STARD9: variants seen among roughly 807,000 people sequenced by gnomAD.
STARD9 encodes stAR-related lipid transfer protein 9.
A neutral mutation model predicts 399.8 loss-of-function variants in STARD9; 346 were observed. The observed-to-expected ratio is 0.87, with a 90% CI of 0.79 to 0.95. The LOEUF (loss-of-function observed/expected upper bound fraction) is 0.95, where lower values mean the gene tolerates loss of function less well. STARD9 is among the 40% of genes least tolerant of loss of function. The pLI is 0.00. For synonymous variants in STARD9, 2,203 were observed against 2,143.5 expected, an observed-to-expected ratio of 1.03 and a Z score of -0.77; for missense variants, 5,832 against 5,667.5, an observed-to-expected ratio of 1.03 and a Z score of -0.93.
intron 9 of STARD9, among the ~76,000 whole-genome samples, chr15:42,659,987 G>T (rs2140083536): frequency 6.6e-6 from 1 of 152,252 alleles, no homozygotes; most frequent in South Asian, 2.1e-4. Context: ...AAAGGCAAAT[G>T]GATAACTGTG....
rs547379487 is a variant in STARD9 at position 42,714,846 on chromosome 15, C to T, written c.13285-1831C>T. Among the ~76,000 whole-genome samples, 27 of 150,820 alleles carry T rather than the reference C, an allele frequency of 1.8e-4. No individual in the cohort carries two copies. In the South Asian group the frequency reaches 5.6e-3, roughly 31 times the overall value. On this transcript the variant is annotated intron_variant, in intron 26 of 32. Coordinates refer to ENST00000290607, the MANE Select transcript of STARD9 (RefSeq NM_020759.3). ...ATGTCTGTGAAATGGGTCTCTGATG[C>T]AATCTTTTTTTTTTTCAGATGGCTG...
intron 25 of STARD9, 121 bp downstream of exon 25, chr15:42,695,444 C>T (rs2060822243): frequency 2.0e-6 from 2 of 990,240 alleles, no homozygotes; most frequent in Non-Finnish European, 2.9e-6. Flanking sequence ...CTGTGGGACC[C>T]CTGTTGTCAA....
intron 3 of STARD9, among the ~76,000 whole-genome samples, chr15:42,586,662 T>C (rs2058283054): frequency 6.6e-6 from 1 of 152,172 alleles, no homozygotes; most frequent in South Asian, 2.1e-4. Context: ...CCTTTCATGG[T>C]TCATTATCAT....
At position 42,693,235 on chromosome 15, in the gene STARD9, T is replaced by C; in HGVS notation, c.11657T>C (p.Leu3886Pro). The C allele has an allele frequency of 1.4e-5, 22 of 1,537,026 alleles. No homozygotes were observed. Among genetic ancestry groups the C allele is most frequent in the Non-Finnish European group, 1.7e-5 (20 of 1,146,860 alleles). Residue 3886 changes from leucine to proline, a missense_variant, in exon 23 of 33, where the codon CTG (leucine) becomes CCG (proline). Coordinates refer to ENST00000290607, the MANE Select transcript of STARD9 (RefSeq NM_020759.3). The part of the protein sequence containing the change: ...YPGDSRVQKK[L>P]GPTSALFVDR... ...GGGGACTCCAGGGTCCAGAAGAAGCTGGGCCCCACAAGTGCTTTGTTCGTG... is the reference window on the plus strand; with the variant it reads ...GGGGACTCCAGGGTCCAGAAGAAGCCGGGCCCCACAAGTGCTTTGTTCGTG...
At position 42,686,209 on chromosome 15, in the gene STARD9, T is replaced by A. The variant is rs1220420526; in HGVS notation, c.4631T>A (p.Leu1544His). Reference protein sequence around the residue: ...VGPRVSSNLNLNNFPVHLSRI... With the variant: ...VGPRVSSNLNHNNFPVHLSRI... ...CCTAGGGTATCTAGCAATCTGAATC[T>A]CAACAACTTTCCAGTCCATCTGTCC... is the stretch of plus-strand genomic sequence containing the variant. The change falls in exon 23 of 33, where the codon CTC becomes CAC. Residue 1544 changes from leucine (L) to histidine (H), a missense_variant. Leu to His is a moderately conservative substitution (Grantham distance 99). Around this residue, in one of 2 missense-constraint regions of STARD9, gnomAD observed 5,828 missense variants for 5,651.1 expected, o/e 1.03. Coordinates refer to ENST00000290607, the MANE Select transcript of STARD9 (RefSeq NM_020759.3). The A allele has an allele frequency of 6.5e-7, 1 of 1,537,592 alleles. No homozygotes were observed. The highest frequency in any genetic ancestry group is 8.7e-7 in the Non-Finnish European group (1 of 1,147,008).
In STARD9 at chr15:42,688,396, G is replaced by T. The variant is rs1399107751; in HGVS notation, c.6818G>T (p.Gly2273Val). The T allele has an allele frequency of 1.3e-6, 2 of 1,537,568 alleles. No individual in the cohort carries two copies. Among genetic ancestry groups the T allele is most frequent in the Admixed American group, 3.9e-5 (2 of 51,004 alleles). ...SSNQEEPKAQ[G>V]KVEEMPMQRG... is the part of the protein sequence containing the mutation. ...AACCAAGAAGAGCCAAAAGCTCAAGGTAAAGTTGAAGAAATGCCTATGCAA... is the reference window on the plus strand; with the variant it reads ...AACCAAGAAGAGCCAAAAGCTCAAGTTAAAGTTGAAGAAATGCCTATGCAA... The change falls in exon 23 of 33, where the codon GGT becomes GTT. Residue 2273 changes from glycine to valine, a missense_variant. Coordinates refer to ENST00000290607, the MANE Select transcript of STARD9 (RefSeq NM_020759.3).
At position 42,691,953 on chromosome 15, in the gene STARD9, C is replaced by T. The variant is rs1261059664; in HGVS notation, c.10375C>T (p.Leu3459=). ...NWCSQMDKGM[L]HFGSSDISPY... ...GTGCTCTCAGATGGACAAAGGAATG[C>T]TGCACTTTGGCTCCAGTGACATCAG... Residue 3459 remains leucine, a synonymous_variant, in exon 23 of 33, where the codon CTG becomes TTG. Transcript: ENST00000290607. 3.3e-6 allele frequency: 5 copies of T among 1,537,270 alleles called. No homozygotes were observed. Among genetic ancestry groups the T allele is most frequent in the Non-Finnish European group, 4.4e-6 (5 of 1,146,896 alleles).
In STARD9 at chr15:42,690,245, G is replaced by A. The variant is rs1359791980; in HGVS notation, c.8667G>A (p.Arg2889=). The A allele has an allele frequency of 3.9e-6, 6 of 1,537,362 alleles. No homozygotes were observed. In the Admixed American group the frequency reaches 9.8e-5, roughly 25 times the overall value. ...SVGSGLTEVC[R]AGSKHSRPIP... ...GGTCTGGGTTGACAGAAGTCTGCAG[G>A]GCTGGCAGCAAACATTCCAGGCCAA... The change falls in exon 23 of 33, where the codon AGG becomes AGA. Residue 2889 remains arginine, a synonymous_variant. Coordinates refer to ENST00000290607, the MANE Select transcript of STARD9 (RefSeq NM_020759.3).
chr15:42,690,897 A>G lies in STARD9; in HGVS notation c.9319A>G (p.Met3107Val). ...TGAGGCTGCCTCTTTCCCTGCAGGC[A>G]TGTACTCTGAGCCCCTGAGGCAGTT... Reference protein sequence around the residue: ...ELEAASFPAGMYSEPLRQFRD... With the variant: ...ELEAASFPAGVYSEPLRQFRD... Residue 3107 changes from methionine (M) to valine (V), a missense_variant, in exon 23 of 33, where the codon ATG (methionine) becomes GTG (valine). Around this residue, in one of 2 missense-constraint regions of STARD9, gnomAD observed 5,828 missense variants for 5,651.1 expected, o/e 1.03. Transcript: ENST00000290607. 1.3e-6 allele frequency: 2 copies of G among 1,537,184 alleles called. No homozygotes were observed. The highest frequency in any genetic ancestry group is 1.7e-6 in the Non-Finnish European group (2 of 1,146,908).
Position 42,638,744 on chromosome 15 carries a change from A to T in STARD9, c.491A>T (p.Gln164Leu). Residue 164 changes from glutamine to leucine, a missense_variant, in exon 7 of 33, where the codon CAA (glutamine) becomes CTA (leucine). By Grantham distance (113) the Gln-to-Leu change is moderately radical. Transcript: ENST00000290607. ...YNERVRDLLK[Q>L]SGQKKSYTLR... ...GAACGGGTGCGGGATCTGTTGAAGC[A>T]ATCTGGTCAAAAAAAGTCCTATACC... is the stretch of plus-strand genomic sequence containing the variant. 1 of 1,536,710 alleles carries T rather than the reference A, an allele frequency of 6.5e-7. No homozygotes were observed. The highest frequency in any genetic ancestry group is 8.7e-7 in the Non-Finnish European group (1 of 1,146,542).
chr15:42,595,187 A>G (rs2058478607), intron 3 of STARD9, among the ~76,000 whole-genome samples: 1 of 152,142 alleles, frequency 6.6e-6, no homozygotes, highest in Admixed American at 6.5e-5. Flanking sequence ...GGGAAACATG[A>G]GGAACAAACT....
At chr15:42,662,402 A>G (rs2060008871) in intron 10 of STARD9, among the ~76,000 whole-genome samples, 1 of 152,198 alleles carries the variant, frequency 6.6e-6, no homozygotes, top group South Asian at 2.1e-4. Flanking sequence ...CCATTTACTT[A>G]AAAAAGAAAT....
intron 15 of STARD9, among the ~76,000 whole-genome samples, chr15:42,667,721 C>T (rs897084311): frequency 9.9e-5 from 15 of 152,046 alleles, no homozygotes; most frequent in Non-Finnish European, 1.9e-4. Flanking sequence ...TCAGGTGATC[C>T]GCTTACCTCA....
rs1226625507 is a variant in STARD9 at position 42,690,732 on chromosome 15, T to C, written c.9154T>C (p.Ser3052Pro). 1 of 1,537,114 alleles carries C rather than the reference T, an allele frequency of 6.5e-7. No homozygotes were observed. The highest frequency in any genetic ancestry group is 8.7e-7 in the Non-Finnish European group (1 of 1,146,914). The change falls in exon 23 of 33, where the codon TCT becomes CCT. Residue 3052 changes from serine to proline, a missense_variant. This residue lies in a region of STARD9 where 5,828 missense variants were observed against 5,651.1 expected (regional missense o/e 1.03). Transcript: ENST00000290607. Reference sequence around the variant, plus strand: ...GCCTTCTACTGTGGCTGCTGTCCTATCTCGAGCTCAAGGCTGCAGATCCCC... The same window carrying C: ...GCCTTCTACTGTGGCTGCTGTCCTACCTCGAGCTCAAGGCTGCAGATCCCC... ...CEPSTVAAVL[S>P]RAQGCRSPSA...
chr15:42,685,169 A>G lies in STARD9; in HGVS notation c.3591A>G (p.Gln1197=). The G allele has an allele frequency of 6.5e-7, 1 of 1,537,190 alleles. No individual in the cohort carries two copies. The highest frequency in any genetic ancestry group is 2.0e-5 in the Admixed American group (1 of 50,994). Residue 1197 remains glutamine (Q), a synonymous_variant, in exon 23 of 33, where the codon CAA becomes CAG. Coordinates refer to ENST00000290607, the MANE Select transcript of STARD9 (RefSeq NM_020759.3). The part of the protein sequence containing the change: ...TAASDSDLLA[Q]THRSFSLDSL... Reference sequence around the variant, plus strand: ...CCTCAGACAGTGACCTACTTGCTCAAACTCATAGGAGCTTCTCCTTGGATA... The same window carrying G: ...CCTCAGACAGTGACCTACTTGCTCAGACTCATAGGAGCTTCTCCTTGGATA...
At chr15:42,627,932 G>C (rs1220716073) in intron 3 of STARD9, among the ~76,000 whole-genome samples, 1 of 152,110 alleles carries the variant, frequency 6.6e-6, no homozygotes, top group Non-Finnish European at 1.5e-5. Flanking sequence ...CATTTTCTTT[G>C]GATAAATACC....
chr15:42,709,434 C>G (rs796469427), intron 26 of STARD9, among the ~76,000 whole-genome samples: 1 of 152,290 alleles, frequency 6.6e-6, no homozygotes, highest in African/African-American at 2.4e-5. Flanking sequence ...CGCCTGTAAT[C>G]CCAGCACTTT....
intron 26 of STARD9, among the ~76,000 whole-genome samples, chr15:42,697,120 G>T (rs914985064): frequency 6.6e-6 from 1 of 152,174 alleles, no homozygotes; most frequent in Non-Finnish European, 1.5e-5. Flanking sequence ...ACCCCAGTTT[G>T]TTGTATATTT....
Position 42,694,016 on chromosome 15 carries a change from TG to T in STARD9, c.12442del (p.Val4148PhefsTer11). The T allele has an allele frequency of 6.5e-7, 1 of 1,526,972 alleles. No individual in the cohort carries two copies. The highest frequency in any genetic ancestry group is 8.8e-7 in the Non-Finnish European group (1 of 1,141,576). 94.6% of individuals were successfully genotyped at this position (1,526,972 alleles called of 1,614,324 possible). On this transcript the variant is annotated frameshift_variant, in exon 23 of 33. Coordinates refer to ENST00000290607, the MANE Select transcript of STARD9 (RefSeq NM_020759.3). LOFTEE classifies it high-confidence loss of function. ...PVHNKFSNWC[G>X]VQKGSPGGLD... The stretch of plus-strand genomic sequence containing the variant: ...TGCATAACAAATTTAGTAACTGGTG[TG>T]GGGTTCAGAAGGGCTCACCTGGGGG...
Sources: allele counts gnomAD v4.1 joint callset (sites outside exome capture counted in the v4.1 genomes callset), GRCh38; gene constraint gnomAD v4.1.1; regional missense constraint gnomAD v4.1.1; transcripts MANE v1.5; gene names NCBI Gene and HGNC (gene_info 2026-07-23, HGNC 2026-07-21).